The following XPO4 variants were observed in gnomAD, a reference collection of about 807,000 sequenced individuals.
XPO4 encodes the protein exportin 4.
Under a neutral mutation model 143.0 loss-of-function variants are expected in XPO4, and 39 were observed. The ratio of observed to expected loss-of-function variants is 0.27; its 90% CI spans 0.21 to 0.36. The LOEUF (loss-of-function observed/expected upper bound fraction) is 0.36. XPO4 is among the 10% of genes least tolerant of loss of function. The probability of loss-of-function intolerance (pLI) is 1.00; values close to 1 mark genes in which losing one functional copy is unlikely to be tolerated. For missense variants in XPO4, 907 were observed against 1,348.0 expected (o/e 0.67, Z 5.12); for synonymous variants, 439 against 474.0 (o/e 0.93, Z 0.96).
rs2059143477 is a variant in XPO4, at chr13:20,781,479, T to G, written c.*2243A>C. The G allele has an allele frequency of 6.6e-6, 1 of 152,660 alleles. No individual in the cohort carries two copies. The highest frequency in any genetic ancestry group is 1.5e-5 in the Non-Finnish European group (1 of 68,046). The allele number at this position is 152,660 out of a possible 1,614,324, so 9.5% of individuals were successfully genotyped here. A position where few individuals can be genotyped will look rare whatever the true frequency, so the allele number is the denominator to read the frequency against. ...CTTATAAGTATTATTTGGTCCAATC[T>G]GAAGAAGGTCTTTTTAAACTAAAAC... On this transcript the variant is annotated 3_prime_UTR_variant, in exon 23 of 23. Transcript: ENST00000255305.
At chr13:20,879,979 C>A (rs369354105) in intron 1 of XPO4, among the ~76,000 whole-genome samples, 3 of 152,142 alleles carry the variant, frequency 2.0e-5, no homozygotes, top group African/African-American at 7.2e-5. Context: ...GTCCAACATA[C>A]CAAATCATTA....
At chr13:20,793,327 G>T (rs1180010637) in intron 18 of XPO4, among the ~76,000 whole-genome samples, 1 of 151,858 alleles carries the variant, frequency 6.6e-6, no homozygotes, top group Non-Finnish European at 1.5e-5. Context: ...CCCCTATTTT[G>T]TTTTGTCTAG....
chr13:20,786,167 A>T (rs2059202645), intron 22 of XPO4, among the ~76,000 whole-genome samples: 1 of 152,088 alleles, frequency 6.6e-6, no homozygotes, highest in South Asian at 2.1e-4. Context: ...AGCTTAGGGC[A>T]CAGATGTTAC....
intron 2 of XPO4, among the ~76,000 whole-genome samples, chr13:20,864,270 A>G (rs1379354552): frequency 6.6e-6 from 1 of 152,164 alleles, no homozygotes; most frequent in African/African-American, 2.4e-5. Flanking sequence ...TAGATCACTT[A>G]AAGAGAAATA....
chr13:20,784,676 C>G (rs986316942), intron 22 of XPO4, among the ~76,000 whole-genome samples: 2 of 152,234 alleles, frequency 1.3e-5, no homozygotes, highest in African/African-American at 4.8e-5. Flanking sequence ...AGCATAGTGG[C>G]TCAGGCCTTT....
chr13:20,821,596 A>G (rs2059720547), intron 9 of XPO4, 108 bp downstream of exon 9: 1 of 1,206,172 alleles, frequency 8.3e-7, no homozygotes, highest in Non-Finnish European at 1.1e-6. Flanking sequence ...TCACTTTAAC[A>G]ATAGCCAGCA....
intron 9 of XPO4, among the ~76,000 whole-genome samples, chr13:20,819,505 C>G (rs756825827): frequency 2.7e-3 from 403 of 152,072 alleles, no homozygotes; most frequent in Non-Finnish European, 3.5e-3. Context: ...ACTAAAAATA[C>G]AAAAATTAGC....
intron 6 of XPO4, among the ~76,000 whole-genome samples, chr13:20,833,705 T>C (rs576701012): frequency 1.2e-4 from 19 of 152,074 alleles, no homozygotes; most frequent in Admixed American, 5.9e-4. Context: ...GAAAAAATCA[T>C]ATACAACATG....
intron 12 of XPO4, 44 bp downstream of exon 12, chr13:20,808,392 T>C: frequency 3.4e-6 from 5 of 1,480,328 alleles, no homozygotes; most frequent in Non-Finnish European, 4.6e-6. Flanking sequence ...AGGCTTAAAT[T>C]GCTCAGTTGG....
chr13:20,852,088 G>T (rs1363950565), intron 4 of XPO4: 1 of 985,402 alleles, frequency 1.0e-6, no homozygotes, highest in African/African-American at 1.7e-5. Context: ...CTACTTGTAG[G>T]GGGTGAGGGC....
chr13:20,794,430 C>G (rs2059329259), intron 18 of XPO4, among the ~76,000 whole-genome samples: 1 of 152,138 alleles, frequency 6.6e-6, no homozygotes, highest in South Asian at 2.1e-4. Context: ...ATCATCTAAA[C>G]ATATACATGT....
rs539777272 is a variant in XPO4, at chr13:20,781,891, A to G, written c.*1831T>C. On this transcript the variant is annotated 3_prime_UTR_variant, in exon 23 of 23. Coordinates refer to ENST00000255305, the MANE Select transcript of XPO4 (RefSeq NM_022459.5). ...ATATCACTTCAAGTTTTTTAAGGGG[A>G]AAAAAAAAACACCTAAAAATAAATG... 19 of 149,540 alleles carry G rather than the reference A, an allele frequency of 1.3e-4. No homozygotes were observed. Among genetic ancestry groups the G allele is most frequent in the Admixed American group, 2.7e-4 (4 of 14,962 alleles). The allele number at this position is 149,540 out of a possible 1,614,324, so 9.3% of individuals were successfully genotyped here. A position where few individuals can be genotyped will look rare whatever the true frequency, so the allele number is the denominator to read the frequency against.
chr13:20,847,788 C>T (rs2060042731), intron 4 of XPO4, among the ~76,000 whole-genome samples: 1 of 152,068 alleles, frequency 6.6e-6, no homozygotes, highest in South Asian at 2.1e-4. Context: ...GACTGCCATA[C>T]TAAAATACAC....
Position 20,778,612 on chromosome 13 carries a change from TATAAA to T in XPO4, c.*5105_*5109del, listed in dbSNP as rs1335055867. 6.6e-6 allele frequency: 1 copy of T among 152,188 alleles called. No individual in the cohort carries two copies. Among genetic ancestry groups the T allele is most frequent in the African/African-American group, 2.4e-5 (1 of 41,462 alleles). The allele number at this position is 152,188 out of a possible 1,614,324, so 9.4% of individuals were successfully genotyped here. A position where few individuals can be genotyped will look rare whatever the true frequency, so the allele number is the denominator to read the frequency against. On this transcript the variant is annotated 3_prime_UTR_variant, in exon 23 of 23. Coordinates refer to ENST00000255305, the MANE Select transcript of XPO4 (RefSeq NM_022459.5). ...TAAGACTGTGGGCTGAGATAAATAT[TATAAA>T]ATATAGACAAAATTTTTATATTTCT...
chr13:20,854,439 G>A (rs1007188537), intron 4 of XPO4, among the ~76,000 whole-genome samples: 7 of 152,134 alleles, frequency 4.6e-5, no homozygotes, highest in East Asian at 1.9e-4. Context: ...CAACTACATC[G>A]TTAAAATCAC....
At chr13:20,877,249 C>A (rs2060361373) in intron 1 of XPO4, among the ~76,000 whole-genome samples, 1 of 152,190 alleles carries the variant, frequency 6.6e-6, no homozygotes, top group South Asian at 2.1e-4. Context: ...CAGAAACTGA[C>A]AACTATGCCT....
intron 6 of XPO4, among the ~76,000 whole-genome samples, chr13:20,842,351 T>C (rs1046721590): frequency 5.3e-5 from 8 of 152,358 alleles, no homozygotes; most frequent in Admixed American, 2.0e-4. Flanking sequence ...TATGCATTGA[T>C]AATACAACCC....
chr13:20,871,636 G>A (rs987101156), intron 1 of XPO4, among the ~76,000 whole-genome samples: 3 of 152,254 alleles, frequency 2.0e-5, no homozygotes, highest in African/African-American at 4.8e-5. Flanking sequence ...CTACAAATAC[G>A]AATCTATGAG....
chr13:20,828,373 C>T (rs1003507473), intron 6 of XPO4, among the ~76,000 whole-genome samples: 5 of 152,070 alleles, frequency 3.3e-5, no homozygotes, highest in African/African-American at 4.8e-5. Flanking sequence ...CCAGAGCTAT[C>T]GTCTGAAAAA....
Sources: gnomAD v4.1 joint callset for allele counts (sites outside exome capture counted in the v4.1 genomes callset) on GRCh38, gnomAD v4.1.1 for gene constraint, MANE v1.5 for transcripts, NCBI Gene and HGNC (gene_info 2026-07-23, HGNC 2026-07-21) for gene names.